HNRNPU: variants seen among roughly 807,000 people sequenced by gnomAD.
The protein encoded by HNRNPU is heterogeneous nuclear ribonucleoprotein U.
In HNRNPU, 5 loss-of-function variants were observed where a neutral mutation model predicts 94.7. The ratio of observed to expected loss-of-function variants is 0.05; its 90% CI spans 0.03 to 0.11. The LOEUF (loss-of-function observed/expected upper bound fraction) is 0.11, where lower values mean the gene tolerates loss of function less well. Ranked by LOEUF, HNRNPU falls within the 10% of genes least tolerant of loss-of-function variation. The pLI, the probability that HNRNPU is intolerant of heterozygous loss-of-function variation, is 1.00. For synonymous variants in HNRNPU, 434 were observed against 381.6 expected, an observed-to-expected ratio of 1.14 and a Z score of -1.60; for missense variants, 710 against 1,049.2, an observed-to-expected ratio of 0.68 and a Z score of 4.47.
At position 244,858,746 on chromosome 1, in the gene HNRNPU, C is replaced by T. The variant is rs2102987108; in HGVS notation, c.1213G>A (p.Val405Met). Reference protein sequence around the residue: ...DYGEKFDENDVITCFANFESD... With the variant: ...DYGEKFDENDMITCFANFESD... Reference sequence around the variant, plus strand: ...TAACTTACAGCAAAACATGTAATCACATCATTTTCATCAAACTTTTCTCCA... The same window carrying T: ...TAACTTACAGCAAAACATGTAATCATATCATTTTCATCAAACTTTTCTCCA... Residue 405 changes from valine (V) to methionine (M), a missense_variant, in exon 6 of 14, where the codon GTG becomes ATG. Transcript: ENST00000640218. The T allele has an allele frequency of 6.3e-7, 1 of 1,575,088 alleles. No homozygotes were observed. Among genetic ancestry groups the T allele is most frequent in the Non-Finnish European group, 8.7e-7 (1 of 1,145,202 alleles).
intron 6 of HNRNPU, 178 bp from the exon 7 acceptor site, chr1:244,858,452 T>A: frequency 1.6e-6 from 1 of 627,804 alleles, no homozygotes; most frequent in Non-Finnish European, 2.8e-6. Context: ...ATGAAGCACG[T>A]ATCTCCAGAA....
At chr1:244,858,996 G>A (rs1680754077) in intron 5 of HNRNPU, 155 bp from the exon 6 acceptor site, 1 of 597,028 alleles carries the variant, frequency 1.7e-6, no homozygotes, top group Non-Finnish European at 2.9e-6. Context: ...TACCAGAATT[G>A]ATGGAAGTTA....
chr1:244,862,912 TA>T (rs762315971), intron 1 of HNRNPU, 182 bp from the exon 2 acceptor site: 2 of 619,530 alleles, frequency 3.2e-6, no homozygotes, highest in South Asian at 3.8e-5. Context: ...TGACGCAGTC[TA>T]AAGACATTAC....
chr1:244,857,075 A>G (rs1680700363), intron 8 of HNRNPU: 3 of 407,892 alleles, frequency 7.4e-6, no homozygotes, highest in East Asian at 4.2e-5. Context: ...GAGCTCAAAA[A>G]CACTACGGAA....
Position 244,852,299 on chromosome 1 carries a change from ATCTAT to A in HNRNPU, c.*2146_*2150del, listed in dbSNP as rs1680567717. ...TAACATTTTTCTGGGTGCCATTTTT[ATCTAT>A]TCTCTCTCCCCCCAAATTCTCTGGG... On this transcript the variant is annotated 3_prime_UTR_variant, in exon 14 of 14. Transcript: ENST00000640218. 6.6e-6 allele frequency: 1 copy of A among 152,246 alleles called. No individual in the cohort carries two copies. Among genetic ancestry groups the A allele is most frequent in the Non-Finnish European group, 1.5e-5 (1 of 67,992 alleles). The allele number at this position is 152,246 out of a possible 1,614,324, so 9.4% of individuals were successfully genotyped here.
intron 11 of HNRNPU, 116 bp from the exon 12 acceptor site, chr1:244,855,724 G>T: frequency 1.5e-6 from 2 of 1,327,072 alleles, no homozygotes; most frequent in East Asian, 2.4e-5. Flanking sequence ...AAAGACAAAA[G>T]AAATGTTTAA....
chr1:244,854,931 A>G, intron 13 of HNRNPU, 42 bp downstream of exon 13: 1 of 1,433,324 alleles, frequency 7.0e-7, no homozygotes, highest in Non-Finnish European at 9.9e-7. Flanking sequence ...TAGGAACTCA[A>G]AATACAATTA....
At chr1:244,859,400 A>C (rs762519673) in intron 4 of HNRNPU, 26 bp from the exon 5 acceptor site, 1 of 1,104,228 alleles carries the variant, frequency 9.1e-7, no homozygotes, top group Admixed American at 1.7e-5. Context: ...TTAAATAATT[A>C]AAATAATACA....
Position 244,864,162 on chromosome 1 carries a change from C to G in HNRNPU, c.146G>C (p.Gly49Ala). The change falls in exon 1 of 14, where the codon GGC (glycine) becomes GCC (alanine). Residue 49 changes from glycine to alanine, a missense_variant. Transcript: ENST00000640218. ...GTTCCCGGGCTCCATGGCGGGGCGG[C>G]CCCCGGCCTCCTCGTCGTCCAGCGC... is the stretch of plus-strand genomic sequence containing the variant. ...QAALDDEEAG[G>A]RPAMEPGNGS... 6.2e-7 allele frequency: 1 copy of G among 1,603,296 alleles called. No homozygotes were observed. The highest frequency in any genetic ancestry group is 8.5e-7 in the Non-Finnish European group (1 of 1,175,358).
chr1:244,858,372 G>T, intron 6 of HNRNPU, 98 bp from the exon 7 acceptor site: 1 of 1,145,934 alleles, frequency 8.7e-7, no homozygotes, highest in Non-Finnish European at 1.2e-6. Flanking sequence ...TCCTGTGGAA[G>T]CTACAGGTTA....
At chr1:244,856,423 G>T (rs377267336) in intron 10 of HNRNPU, 34 bp downstream of exon 10, 195 of 1,574,944 alleles carry the variant, frequency 1.2e-4, no homozygotes, top group Middle Eastern at 3.4e-4. Context: ...TTAAAAAGAA[G>T]ATTTCACACA....
In HNRNPU at chr1:244,858,745, A is replaced by T; in HGVS notation, c.1214T>A (p.Val405Glu). Residue 405 changes from valine (V) to glutamate (E), a missense_variant, in exon 6 of 14, where the codon GTG (valine) becomes GAG (glutamate). Physicochemically the swap from Val to Glu is moderately radical, Grantham distance 121 (BLOSUM62 -2). Transcript: ENST00000640218. ...DYGEKFDEND[V>E]ITCFANFESD... ...TTAACTTACAGCAAAACATGTAATC[A>T]CATCATTTTCATCAAACTTTTCTCC... is the stretch of plus-strand genomic sequence containing the variant. The T allele has an allele frequency of 6.4e-7, 1 of 1,573,052 alleles. No homozygotes were observed. The highest frequency in any genetic ancestry group is 8.7e-7 in the Non-Finnish European group (1 of 1,143,368).
Position 244,864,355 on chromosome 1 carries a change from G to C in HNRNPU, c.-48C>G, listed in dbSNP as rs1406251798. On this transcript the variant is annotated 5_prime_UTR_variant, in exon 1 of 14. Coordinates refer to ENST00000640218, the MANE Select transcript of HNRNPU (RefSeq NM_031844.3). ...TAGGCGCTGCCTCAAACTCGGCTCC[G>C]CTCACTCGGCCACTGGTGGCGGCTG... is the stretch of plus-strand genomic sequence containing the variant. 6.3e-7 allele frequency: 1 copy of C among 1,593,994 alleles called. No homozygotes were observed. The highest frequency in any genetic ancestry group is 2.3e-5 in the East Asian group (1 of 44,392).
intron 4 of HNRNPU, 48 bp downstream of exon 4, chr1:244,860,287 T>A: frequency 3.2e-6 from 5 of 1,552,538 alleles, no homozygotes; most frequent in Non-Finnish European, 4.4e-6. Context: ...GGGAACAGAG[T>A]GAGACTGTCT....
intron 12 of HNRNPU, 44 bp from the exon 13 acceptor site, chr1:244,855,088 T>C: frequency 6.7e-7 from 1 of 1,485,792 alleles, no homozygotes; most frequent in Non-Finnish European, 9.4e-7. Flanking sequence ...GCCCAATTGC[T>C]TGTTAGGTTT....
intron 11 of HNRNPU, 143 bp from the exon 12 acceptor site, chr1:244,855,751 A>G (rs1680662235): frequency 8.1e-7 from 1 of 1,242,180 alleles, no homozygotes; most frequent in Non-Finnish European, 1.1e-6. Flanking sequence ...CCATTAACAT[A>G]ACCTAGGTGT....
intron 4 of HNRNPU, chr1:244,859,762 A>T (rs1680777735): frequency 1.2e-5 from 2 of 160,088 alleles, no homozygotes; most frequent in Admixed American, 1.3e-4. Context: ...CTAAATAAAA[A>T]ATCGCCTAGC....
intron 2 of HNRNPU, 31 bp downstream of exon 2, chr1:244,862,588 G>A (rs752116686): frequency 6.2e-7 from 1 of 1,606,282 alleles, no homozygotes. Flanking sequence ...AACGAATAAG[G>A]GATGAGTAAA....
At chr1:244,863,420 A>ACGCG (rs1553283725) in intron 1 of HNRNPU, among the ~76,000 whole-genome samples, 197 bp downstream of exon 1, 360 of 138,868 alleles carry the variant, frequency 2.6e-3, no homozygotes, top group Non-Finnish European at 3.9e-3. Context: ...ACACACACAC[A>ACGCG]CGCGCGCGCG....
Sources: allele counts gnomAD v4.1 joint callset (sites outside exome capture counted in the v4.1 genomes callset), GRCh38; gene constraint gnomAD v4.1.1; transcripts MANE v1.5; gene names NCBI Gene and HGNC (gene_info 2026-07-23, HGNC 2026-07-21).